PCID2: variants seen among roughly 807,000 people sequenced by gnomAD.
The protein encoded by PCID2 is PCI domain-containing protein 2.
PCID2 carries 41 observed loss-of-function variants against 61.3 expected under a neutral mutation model. That is an observed-to-expected ratio of 0.67 (90% confidence interval 0.52 to 0.87). The LOEUF (loss-of-function observed/expected upper bound fraction) is 0.87, where lower values mean the gene tolerates loss of function less well. Ranked by LOEUF, PCID2 falls within the 40% of genes least tolerant of loss-of-function variation. The probability of loss-of-function intolerance (pLI) is 0.00; values close to 1 mark genes in which losing one functional copy is unlikely to be tolerated. For missense variants in PCID2, 392 were observed against 493.4 expected, an observed-to-expected ratio of 0.79 and a Z score of 1.95; for synonymous variants, 187 against 177.8, an observed-to-expected ratio of 1.05 and a Z score of -0.41.
chr13:113,194,131 GCTC>G (rs1163718116), intron 6 of PCID2, among the ~76,000 whole-genome samples: 3 of 152,172 alleles, frequency 2.0e-5, no homozygotes, highest in Non-Finnish European at 4.4e-5. Context: ...AGGGGGACTA[GCTC>G]CTCATTACTG....
intron 1 of PCID2, among the ~76,000 whole-genome samples, chr13:113,205,419 G>A (rs2039737791): frequency 6.6e-6 from 1 of 152,206 alleles, no homozygotes; most frequent in South Asian, 2.1e-4. Context: ...ATACATTGCT[G>A]GTGAAAATGT....
At chr13:113,199,387 C>T (rs2039251431) in intron 2 of PCID2, among the ~76,000 whole-genome samples, 1 of 152,166 alleles carries the variant, frequency 6.6e-6, no homozygotes, top group Non-Finnish European at 1.5e-5. Flanking sequence ...CTCTGGAGAA[C>T]CCAGACTAAC....
At chr13:113,200,696 C>CTTTT (rs998821979) in intron 1 of PCID2, 180 bp from the exon 2 acceptor site, 164 of 221,138 alleles carry the variant, frequency 7.4e-4, no homozygotes, top group African/African-American at 1.8e-3. Context: ...ACAATAATTT[C>CTTTT]TTTTTTTTTT....
chr13:113,204,528 C>G (rs1184962731), intron 1 of PCID2, among the ~76,000 whole-genome samples: 1 of 152,152 alleles, frequency 6.6e-6, no homozygotes, highest in Non-Finnish European at 1.5e-5. Context: ...TGCACATATG[C>G]AGGGTGATGT....
chr13:113,183,773 C>G (rs1414001095), intron 9 of PCID2: 19 of 984,698 alleles, frequency 1.9e-5, no homozygotes, highest in Non-Finnish European at 2.3e-5. Context: ...GTTTCCTGTT[C>G]TTGAGAAAGT....
intron 7 of PCID2, chr13:113,186,817 ACT>A (rs2038156064): frequency 6.6e-6 from 1 of 152,158 alleles, no homozygotes; most frequent in African/African-American, 2.4e-5. Context: ...TACGAAGTAC[ACT>A]CTGTGGTGTT....
intron 4 of PCID2, 28 bp from the exon 5 acceptor site, chr13:113,196,250 CA>C (rs2039005691): frequency 3.9e-6 from 6 of 1,534,248 alleles, no homozygotes; most frequent in African/African-American, 2.7e-5. Flanking sequence ...ATATGGCATA[CA>C]AAGTTCAAAT....
At chr13:113,201,471 A>G (rs557449564) in intron 1 of PCID2, among the ~76,000 whole-genome samples, 1 of 152,250 alleles carries the variant, frequency 6.6e-6, no homozygotes, top group South Asian at 2.1e-4. Flanking sequence ...CGCCTGCCAC[A>G]ACAGACATTT....
Position 113,195,140 on chromosome 13 carries a change from A to G in PCID2, c.309-15T>C. The stretch of plus-strand genomic sequence containing the variant: ...CAGGCAGAGCCCTGCAGGGCAAAAA[A>G]GTAAACAAGTGTGAGGGGCTACGTG... On this transcript the variant is annotated splice_polypyrimidine_tract_variant and intron_variant, in intron 5 of 13. Coordinates refer to ENST00000337344, the MANE Select transcript of PCID2 (RefSeq NM_001127202.4). 6.3e-7 allele frequency: 1 copy of G among 1,587,716 alleles called. No homozygotes were observed.
chr13:113,174,468 CAAGAA>C (rs1264232346), downstream of PCID2, among the ~76,000 whole-genome samples: 2 of 152,134 alleles, frequency 1.3e-5, no homozygotes, highest in African/African-American at 4.8e-5. Context: ...CAGTAAAACT[CAAGAA>C]AAGGGAAGCT....
the PCID2 span, among the ~76,000 whole-genome samples, chr13:113,167,062 G>C: frequency 3.2e-4 from 48 of 152,272 alleles, no homozygotes; most frequent in African/African-American, 1.0e-3. Context: ...TGAATATATG[G>C]AATTTTCCTA....
chr13:113,169,578 T>G, the PCID2 span, among the ~76,000 whole-genome samples: 1 of 152,366 alleles, frequency 6.6e-6, no homozygotes, highest in Admixed American at 6.5e-5. Flanking sequence ...TGGAAATACT[T>G]TCATCCTTTG....
At chr13:113,193,166 A>G (rs80023213) in intron 6 of PCID2, among the ~76,000 whole-genome samples, 2,606 of 152,254 alleles carry the variant, frequency 0.017, 72 homozygotes, top group African/African-American at 0.058. Flanking sequence ...CATGACTAAC[A>G]CAAGATATTA....
At chr13:113,167,235 C>G in the PCID2 span, among the ~76,000 whole-genome samples, 1 of 152,152 alleles carries the variant, frequency 6.6e-6, no homozygotes, top group South Asian at 2.1e-4. Flanking sequence ...TTGGTTTTAT[C>G]CCCTTTAAAG....
intron 4 of PCID2, 34 bp downstream of exon 4, chr13:113,197,144 A>G (rs2039076820): frequency 6.2e-7 from 1 of 1,614,138 alleles, no homozygotes; most frequent in Non-Finnish European, 8.5e-7. Flanking sequence ...CATGTGTTCT[A>G]TGCGGGACAG....
chr13:113,206,857 T>C (rs1233161883), intron 1 of PCID2, among the ~76,000 whole-genome samples: 1 of 152,194 alleles, frequency 6.6e-6, no homozygotes, highest in East Asian at 1.9e-4. Context: ...GCCCAGCCCC[T>C]GTCTACTCTC....
At chr13:113,206,641 C>T (rs987609841) in intron 1 of PCID2, among the ~76,000 whole-genome samples, 5 of 152,234 alleles carry the variant, frequency 3.3e-5, no homozygotes, top group African/African-American at 1.2e-4. Context: ...TAACCGGTTG[C>T]CATTCTGTAT....
chr13:113,186,962 C>T (rs1210194670), intron 7 of PCID2: 1 of 152,188 alleles, frequency 6.6e-6, no homozygotes, highest in Non-Finnish European at 1.5e-5. Flanking sequence ...CATATAGAAA[C>T]ACTTAAAATA....
chr13:113,190,217 A>G (rs991857385), intron 7 of PCID2, among the ~76,000 whole-genome samples: 9 of 150,918 alleles, frequency 6.0e-5, no homozygotes, highest in Non-Finnish European at 1.2e-4. Flanking sequence ...AATGAACCCT[A>G]AACAGAAGAA....
Sources: gnomAD v4.1 joint callset for allele counts (sites outside exome capture counted in the v4.1 genomes callset) on GRCh38, gnomAD v4.1.1 for gene constraint, MANE v1.5 for transcripts, NCBI Gene and HGNC (gene_info 2026-07-23, HGNC 2026-07-21) for gene names.